FCSK: variants seen among roughly 807,000 people sequenced by gnomAD.
FCSK encodes fucose kinase.
Under a neutral mutation model 122.5 loss-of-function variants are expected in FCSK, and 123 were observed. The ratio of observed to expected loss-of-function variants is 1.00; its 90% CI spans 0.87 to 1.17. The LOEUF (loss-of-function observed/expected upper bound fraction) is 1.17, where lower values mean the gene tolerates loss of function less well. Ranked by LOEUF, FCSK falls within the 50% of genes most tolerant of loss-of-function variation. The pLI is 0.00. For missense variants in FCSK, 1,366 were observed against 1,450.4 expected, an observed-to-expected ratio of 0.94 and a Z score of 0.95; for synonymous variants, 620 against 625.5, an observed-to-expected ratio of 0.99 and a Z score of 0.13.
intron 8 of FCSK, 34 bp downstream of exon 8, chr16:70,468,000 G>T: frequency 6.7e-7 from 1 of 1,493,728 alleles, no homozygotes; most frequent in South Asian, 1.1e-5. Context: ...CGGGGCTTTG[G>T]GGACCTTATG....
chr16:70,468,805 G>A (rs754693592), intron 8 of FCSK, 44 bp from the exon 9 acceptor site: 2 of 1,610,994 alleles, frequency 1.2e-6, no homozygotes, highest in South Asian at 1.1e-5. Context: ...ACCAGGGCCT[G>A]GTCCAGGGCC....
intron 1 of FCSK, among the ~76,000 whole-genome samples, chr16:70,457,031 T>A (rs764231169): frequency 3.3e-5 from 5 of 150,240 alleles, no homozygotes; most frequent in African/African-American, 1.2e-4. Context: ...AAAAAAAAAA[T>A]AGATTAAGTA....
chr16:70,457,737 C>T (rs2048132547), intron 1 of FCSK, among the ~76,000 whole-genome samples: 1 of 150,998 alleles, frequency 6.6e-6, no homozygotes, highest in African/African-American at 2.5e-5. Flanking sequence ...CTGTGCCTGG[C>T]TAATTTTTGT....
At chr16:70,456,557 C>T (rs1165828075) in intron 1 of FCSK, among the ~76,000 whole-genome samples, 1 of 152,200 alleles carries the variant, frequency 6.6e-6, no homozygotes, top group Non-Finnish European at 1.5e-5. Context: ...GTCCTTCCTC[C>T]TTCAGGGACA....
intron 1 of FCSK, among the ~76,000 whole-genome samples, chr16:70,457,229 G>C (rs1277001449): frequency 6.6e-6 from 1 of 152,070 alleles, no homozygotes; most frequent in African/African-American, 2.4e-5. Flanking sequence ...ACTGGGCTCA[G>C]AACTTCTGGG....
intron 4 of FCSK, among the ~76,000 whole-genome samples, chr16:70,465,623 A>C (rs908171302): frequency 3.3e-5 from 5 of 151,804 alleles, no homozygotes; most frequent in African/African-American, 1.2e-4. Context: ...ACACCACTGC[A>C]CTCCAGCCTG....
Position 70,466,895 on chromosome 16 carries a change from C to T in FCSK, c.425C>T (p.Ser142Phe), listed in dbSNP as rs1385084700. 2 of 1,613,694 alleles carry T rather than the reference C, an allele frequency of 1.2e-6. No individual in the cohort carries two copies. Among genetic ancestry groups the T allele is most frequent in the South Asian group, 2.2e-5 (2 of 91,066 alleles). ...DIMTYRLGPGSPPGVWVCSTD... is the reference protein window; with the variant it reads ...DIMTYRLGPGFPPGVWVCSTD... ...TTCCCCCCACAGCTGGGCCCGGGCTCCCCGCCAGGCGTGTGGGTCTGCAGC... is the reference window on the plus strand; with the variant it reads ...TTCCCCCCACAGCTGGGCCCGGGCTTCCCGCCAGGCGTGTGGGTCTGCAGC... Residue 142 changes from serine (S) to phenylalanine (F), a missense_variant, in exon 6 of 24, where the codon TCC becomes TTC. Physicochemically the swap from Ser to Phe is radical, Grantham distance 155. Coordinates refer to ENST00000288078, the MANE Select transcript of FCSK (RefSeq NM_145059.3).
rs774798102 is a variant in FCSK, at chr16:70,466,130, AG to A, written c.287del. 1 of 1,613,300 alleles carries A rather than the reference AG, an allele frequency of 6.2e-7. No homozygotes were observed. The stretch of plus-strand genomic sequence containing the variant: ...CTTCCTCACCAGTCCCCCGACTTCC[AG>A]GGTCGAGACTTCCCCTTTGATGACT... On this transcript the variant is annotated splice_acceptor_variant, in intron 4 of 23. Coordinates refer to ENST00000288078, the MANE Select transcript of FCSK (RefSeq NM_145059.3). LOFTEE classifies it high-confidence loss of function.
At chr16:70,467,013 C>A in intron 6 of FCSK, 59 bp downstream of exon 6, 2 of 1,504,508 alleles carry the variant, frequency 1.3e-6, no homozygotes, top group Non-Finnish European at 1.8e-6. Flanking sequence ...AAGAAGCCAG[C>A]TCTGCCCTTC....
At chr16:70,475,985 G>C (rs141571447) in intron 20 of FCSK, 1 of 466,604 alleles carries the variant, frequency 2.1e-6, no homozygotes, top group Non-Finnish European at 3.7e-6. Context: ...CATCTACTGA[G>C]TGCCAGATTC....
intron 1 of FCSK, among the ~76,000 whole-genome samples, chr16:70,455,094 C>T (rs965805525): frequency 6.6e-6 from 1 of 152,196 alleles, no homozygotes; most frequent in Admixed American, 6.5e-5. Context: ...TAACTTCTTT[C>T]GGTCTGTTAT....
Position 70,469,260 on chromosome 16 carries a change from G to A in FCSK, c.892G>A (p.Gly298Ser). The change falls in exon 10 of 24, where the codon GGT becomes AGT. Residue 298 changes from glycine (G) to serine (S), a missense_variant. Coordinates refer to ENST00000288078, the MANE Select transcript of FCSK (RefSeq NM_145059.3). Reference protein sequence around the residue: ...ELGQGDADVAGYLQSARAQLW... With the variant: ...ELGQGDADVASYLQSARAQLW... ...GGGGCAAGGCGATGCAGATGTAGCG[G>A]GTTATCTGCAGAGCGCCCGGGCCCA... The A allele has an allele frequency of 1.2e-6, 2 of 1,613,646 alleles. No homozygotes were observed.
Position 70,470,391 on chromosome 16 carries a change from G to A in FCSK, c.1033G>A (p.Ala345Thr), listed in dbSNP as rs1486360353. ...EFLLSLTLPG[A>T]PGAQIVHSQV... is the part of the protein sequence containing the mutation. ...CCTGCTCAGCCTCACACTCCCCGGG[G>A]CTCCTGGGGCCCAGATTGTGCACTC... Residue 345 changes from alanine (A) to threonine (T), a missense_variant, in exon 11 of 24, where the codon GCT becomes ACT. Coordinates refer to ENST00000288078, the MANE Select transcript of FCSK (RefSeq NM_145059.3). 1 of 1,612,742 alleles carries A rather than the reference G, an allele frequency of 6.2e-7. No homozygotes were observed. Among genetic ancestry groups the A allele is most frequent in the South Asian group, 1.1e-5 (1 of 90,920 alleles).
chr16:70,467,635 G>A, intron 7 of FCSK, 164 bp downstream of exon 7: 8 of 651,652 alleles, frequency 1.2e-5, no homozygotes, highest in South Asian at 5.7e-5. Flanking sequence ...CCTTACTCTC[G>A]CCAAAAATAC....
chr16:70,471,319 C>T lies in FCSK; in HGVS notation c.1308C>T (p.Ala436=), dbSNP rs2048611046. The change falls in exon 13 of 24, where the codon GCC becomes GCT. Residue 436 remains alanine, a synonymous_variant. Coordinates refer to ENST00000288078, the MANE Select transcript of FCSK (RefSeq NM_145059.3). ...GGCTACACGGCTCCCCGGGCCACGC[C>T]TTCACCCTCGTTGGCCGTCTGGACA... ...HTRLHGSPGH[A]FTLVGRLDSW... 1.3e-6 allele frequency: 2 copies of T among 1,598,110 alleles called. No individual in the cohort carries two copies. Among genetic ancestry groups the T allele is most frequent in the African/African-American group, 2.7e-5 (2 of 74,748 alleles).
intron 1 of FCSK, among the ~76,000 whole-genome samples, chr16:70,459,795 G>A (rs141065580): frequency 6.9e-6 from 1 of 145,144 alleles, no homozygotes; most frequent in Non-Finnish European, 1.5e-5. Context: ...ACACCCAGCA[G>A]TTTCTTCATC....
Position 70,474,871 on chromosome 16 carries a change from G to A in FCSK, c.2237G>A (p.Arg746Gln), listed in dbSNP as rs1489644026. Residue 746 changes from arginine (R) to glutamine (Q), a missense_variant, in exon 18 of 24, where the codon CGG (arginine) becomes CAG (glutamine). Coordinates refer to ENST00000288078, the MANE Select transcript of FCSK (RefSeq NM_145059.3). ...LGLAVRVDGR[R>Q]PIGARARRIP... ...CTGGCTGTGCGAGTGGACGGCCGCC[G>A]GCCCATCGGAGCCAGGGCACGCCGC... 2.9e-5 allele frequency: 47 copies of A among 1,600,262 alleles called. No homozygotes were observed. The highest frequency in any genetic ancestry group is 3.7e-5 in the Non-Finnish European group (43 of 1,174,974).
At chr16:70,463,374 C>G in intron 2 of FCSK, 102 bp downstream of exon 2, 1 of 1,040,824 alleles carries the variant, frequency 9.6e-7, no homozygotes, top group Non-Finnish European at 1.5e-6. Context: ...TGGGTTCAAA[C>G]CCAGATTGCA....
intron 5 of FCSK, 152 bp from the exon 6 acceptor site, chr16:70,466,730 G>GT: frequency 1.6e-6 from 1 of 639,696 alleles, no homozygotes; most frequent in Non-Finnish European, 2.7e-6. Flanking sequence ...GTCACATGGG[G>GT]AAAGTTGTAA....
Sources: allele counts gnomAD v4.1 joint callset (sites outside exome capture counted in the v4.1 genomes callset), GRCh38; gene constraint gnomAD v4.1.1; transcripts MANE v1.5; gene names NCBI Gene and HGNC (gene_info 2026-07-23, HGNC 2026-07-21).